The following EIF4G3 variants were observed in gnomAD, a reference collection of about 807,000 sequenced individuals.
The protein encoded by EIF4G3 is eIF-4-gamma 3.
Under a neutral mutation model 186.4 loss-of-function variants are expected in EIF4G3, and 34 were observed. That is an observed-to-expected ratio of 0.18 (90% CI 0.14 to 0.24). EIF4G3 has a LOEUF of 0.24. Ranked by LOEUF, EIF4G3 falls within the 10% of genes least tolerant of loss-of-function variation. The pLI is 1.00. For synonymous variants in EIF4G3, 673 were observed against 679.5 expected (o/e 0.99, Z 0.15); for missense variants, 1,536 against 1,948.5 (o/e 0.79, Z 3.99).
chr1:21,090,299 T>C (rs1429951377), intron 2 of EIF4G3, among the ~76,000 whole-genome samples: 4 of 152,156 alleles, frequency 2.6e-5, no homozygotes, highest in Non-Finnish European at 5.9e-5. Flanking sequence ...ATAAATATAA[T>C]TTGATGGTTA....
intron 36 of EIF4G3, 61 bp from the exon 37 acceptor site, chr1:20,807,561 A>G: frequency 7.4e-7 from 1 of 1,346,812 alleles, no homozygotes; most frequent in Non-Finnish European, 9.9e-7. Flanking sequence ...GGAAAAGAAT[A>G]TATTTCAAAA....
intron 29 of EIF4G3, among the ~76,000 whole-genome samples, chr1:20,846,289 A>T (rs2070983706): frequency 1.3e-5 from 2 of 152,098 alleles, no homozygotes; most frequent in Non-Finnish European, 2.9e-5. Context: ...TTCTTTCTCT[A>T]GCCTGATTAC....
intron 3 of EIF4G3, among the ~76,000 whole-genome samples, chr1:21,067,920 A>T (rs529020949): frequency 7.9e-5 from 12 of 152,152 alleles, no homozygotes; most frequent in African/African-American, 2.6e-4. Context: ...CATCTCAAAA[A>T]AAATAAATAA....
At chr1:21,115,297 G>A (rs745979558) in intron 2 of EIF4G3, among the ~76,000 whole-genome samples, 12 of 152,146 alleles carry the variant, frequency 7.9e-5, no homozygotes, top group Admixed American at 4.6e-4. Flanking sequence ...TCAGGAAAGA[G>A]CAAGGTCCAT....
intron 29 of EIF4G3, among the ~76,000 whole-genome samples, chr1:20,842,407 G>A (rs4654878): frequency 0.52 from 79,525 of 152,064 alleles, 21,485 homozygotes; most frequent in East Asian, 0.83. Flanking sequence ...CACTCTTGTT[G>A]CCCAGGCTGG....
chr1:21,166,648 A>G (rs2097860065), intron 2 of EIF4G3, among the ~76,000 whole-genome samples: 1 of 152,086 alleles, frequency 6.6e-6, no homozygotes, highest in African/African-American at 2.4e-5. Context: ...AATTGCTTGA[A>G]CCTAGGAGGC....
chr1:20,999,850 C>G, intron 6 of EIF4G3: 1 of 359,174 alleles, frequency 2.8e-6, no homozygotes. Flanking sequence ...TTTTTCTTTT[C>G]TTTTTGTTAA....
chr1:20,881,769 CAAAGTGAGACCCTGTCTCA>C (rs1319169143), intron 19 of EIF4G3, among the ~76,000 whole-genome samples: 2 of 151,168 alleles, frequency 1.3e-5, no homozygotes, highest in African/African-American at 2.4e-5. Flanking sequence ...GCCTGGGCAA[CAAAGTGAGACCCTGTCTCA>C]AAAAATAATA....
At chr1:20,873,325 G>A (rs1036845177) in intron 20 of EIF4G3, among the ~76,000 whole-genome samples, 1 of 151,898 alleles carries the variant, frequency 6.6e-6, no homozygotes. Context: ...CAACATTTTT[G>A]TATATATTTC....
chr1:21,117,198 T>A (rs2096839884), intron 2 of EIF4G3, among the ~76,000 whole-genome samples: 1 of 152,168 alleles, frequency 6.6e-6, no homozygotes, highest in African/African-American at 2.4e-5. Flanking sequence ...ATTTTTGAAT[T>A]ATCCACATAA....
chr1:20,840,987 T>C lies in EIF4G3; in HGVS notation c.3930A>G (p.Leu1310=), dbSNP rs1490175718. The C allele has an allele frequency of 8.7e-6, 14 of 1,614,162 alleles. No individual in the cohort carries two copies. Among genetic ancestry groups the C allele is most frequent in the Admixed American group, 3.3e-5 (2 of 60,000 alleles). ...QCVEELNAQG[L]LHVFVRVGVE... is the part of the protein sequence containing the mutation. ...CTCCCACTCTCACAAAAACATGTAG[T>C]AGGCCCTGGGCATTCAGCTCTTCCA... is the stretch of plus-strand genomic sequence containing the variant. Residue 1310 remains leucine, a synonymous_variant, in exon 30 of 37, where the codon CTA becomes CTG. Transcript: ENST00000602326.
intron 4 of EIF4G3, among the ~76,000 whole-genome samples, chr1:21,043,986 T>C (rs2093729592): frequency 6.6e-6 from 1 of 151,746 alleles, no homozygotes; most frequent in South Asian, 2.1e-4. Flanking sequence ...ATTTTTTAAA[T>C]AAAAACAAAA....
rs1363676624 is a variant in EIF4G3, at chr1:21,036,927, A to G, written c.-67+13939T>C. Among the ~76,000 whole-genome samples the G allele has an allele frequency of 2.0e-5, 3 of 152,196 alleles. No homozygotes were observed. The East Asian group carries it at 5.8e-4, about 29-fold the overall frequency. On this transcript the variant is annotated intron_variant, in intron 4 of 36. Coordinates refer to ENST00000602326, the MANE Select transcript of EIF4G3 (RefSeq NM_001391906.1). ...CTTATTTATGAGTTACATTCTAGAA[A>G]TATTCATACTAAACAATGAGATCAC... is the stretch of plus-strand genomic sequence containing the variant.
chr1:21,002,651 A>G, intron 5 of EIF4G3, 62 bp downstream of exon 5: 1 of 1,532,650 alleles, frequency 6.5e-7, no homozygotes, highest in Admixed American at 2.1e-5. Context: ...AAGAAACCCA[A>G]GCCACTACAC....
intron 12 of EIF4G3, among the ~76,000 whole-genome samples, chr1:20,960,520 G>C (rs116086638): frequency 1.1e-3 from 165 of 152,240 alleles, no homozygotes; most frequent in African/African-American, 3.9e-3. Context: ...GGGAGGCTGA[G>C]GCAGGATTAT....
rs548038653 is a variant in EIF4G3 at position 20,810,476 on chromosome 1, T to C, written c.4744+262A>G. On this transcript the variant is annotated intron_variant, in intron 36 of 36. Transcript: ENST00000602326. This position sits in a 1 kb window ranked among gnomAD's most constrained non-coding sequence, Gnocchi z 4.1. ...GCCATTTCTGTATTTTTAGTAGGGA[T>C]AGGGTTTCACCATGTTGGCCAGGCT... Among the ~76,000 whole-genome samples, 49 of 152,126 alleles carry C rather than the reference T, an allele frequency of 3.2e-4. No homozygotes were observed. The highest frequency in any genetic ancestry group is 6.2e-4 in the South Asian group (3 of 4,820).
At chr1:20,898,888 G>C (rs764679628) in intron 16 of EIF4G3, among the ~76,000 whole-genome samples, 1 of 152,098 alleles carries the variant, frequency 6.6e-6, no homozygotes, top group African/African-American at 2.4e-5. Flanking sequence ...GTGCCACCAC[G>C]CCCAGCTTAT....
chr1:20,987,058 A>G (rs576738707), intron 7 of EIF4G3, among the ~76,000 whole-genome samples: 26 of 152,336 alleles, frequency 1.7e-4, no homozygotes, highest in African/African-American at 6.3e-4. Context: ...ACTTTCCCAG[A>G]AACACTCTAG....
At chr1:21,073,888 C>T in intron 3 of EIF4G3, 1 of 228,594 alleles carries the variant, frequency 4.4e-6, no homozygotes, top group Admixed American at 4.5e-5. Context: ...CTCACTGCAG[C>T]CTTGACCTCT....
Sources: gnomAD v4.1 joint callset for allele counts (sites outside exome capture counted in the v4.1 genomes callset) on GRCh38, gnomAD v4.1.1 for gene constraint, Gnocchi (gnomAD v3.1) non-coding constraint, MANE v1.5 for transcripts, NCBI Gene and HGNC (gene_info 2026-07-23, HGNC 2026-07-21) for gene names.